The following NUP43 variants were observed in gnomAD, a reference collection of about 807,000 sequenced individuals.
NUP43 encodes the protein nucleoporin 43, also known as nucleoporin Nup43.
A neutral mutation model predicts 47.3 loss-of-function variants in NUP43; 32 were observed. That is an observed-to-expected ratio of 0.68 (90% confidence interval 0.51 to 0.91). The LOEUF is 0.91. Among genes scored for constraint, NUP43 ranks in the 40% least tolerant of loss-of-function variants. The pLI, the probability that NUP43 is intolerant of heterozygous loss-of-function variation, is 0.00. For missense variants in NUP43, 444 were observed against 453.9 expected (o/e 0.98, Z 0.20); for synonymous variants, 147 against 158.4 (o/e 0.93, Z 0.54).
rs1009524062 is a variant in NUP43 at position 149,724,434 on chromosome 6, T to C, written c.*2535A>G. The C allele has an allele frequency of 5.5e-5, 7 of 127,472 alleles. No homozygotes were observed. The allele number at this position is 127,472 out of a possible 1,614,324, so 7.9% of individuals were successfully genotyped here. The stretch of plus-strand genomic sequence containing the variant: ...TGGCTCATCTCACAGGCTCACATCA[T>C]CAGTGTGTTAACATACAATAGGACT... On this transcript the variant is annotated 3_prime_UTR_variant, in exon 8 of 8. Coordinates refer to ENST00000340413, the MANE Select transcript of NUP43 (RefSeq NM_198887.3).
intron 3 of NUP43, among the ~76,000 whole-genome samples, chr6:149,742,833 G>A (rs1785736566): frequency 6.6e-6 from 1 of 152,144 alleles, no homozygotes. Flanking sequence ...GCAGTTGGAT[G>A]TTCAAAGGCA....
intron 4 of NUP43, among the ~76,000 whole-genome samples, chr6:149,740,835 TG>T (rs1182078539): frequency 1.3e-5 from 2 of 152,222 alleles, no homozygotes; most frequent in African/African-American, 2.4e-5. Context: ...CTTTGCAATC[TG>T]GCCCCAGCTT....
intron 7 of NUP43, 50 bp downstream of exon 7, chr6:149,731,563 A>C: frequency 4.7e-6 from 1 of 212,320 alleles, no homozygotes; most frequent in Non-Finnish European, 6.7e-6. Flanking sequence ...ACTCTGTCTT[A>C]AAAAAAAAAA....
At chr6:149,732,001 G>C (rs1785070798) in intron 6 of NUP43, among the ~76,000 whole-genome samples, 1 of 152,032 alleles carries the variant, frequency 6.6e-6, no homozygotes, top group Non-Finnish European at 1.5e-5. Flanking sequence ...GGGCAACATG[G>C]TGAAACACCA....
chr6:149,737,188 G>A (rs1785410223), intron 5 of NUP43, among the ~76,000 whole-genome samples: 1 of 151,952 alleles, frequency 6.6e-6, no homozygotes, highest in Admixed American at 6.6e-5. Flanking sequence ...GGAGGCTGAG[G>A]CATGAGAATC....
At chr6:149,735,868 G>T (rs1371650288) in intron 6 of NUP43, among the ~76,000 whole-genome samples, 1 of 151,284 alleles carries the variant, frequency 6.6e-6, no homozygotes, top group Admixed American at 6.6e-5. Context: ...ATCTACTTGG[G>T]AGGCTGATGC....
At chr6:149,746,634 G>C (rs1278609264), upstream of NUP43, 1 of 1,590,314 alleles carries the variant, frequency 6.3e-7, no homozygotes, top group Non-Finnish European at 8.6e-7. Context: ...CTCGTCGATA[G>C]CCAGTGTGGG....
chr6:149,730,047 C>T (rs1298532762), intron 7 of NUP43, among the ~76,000 whole-genome samples: 1 of 149,416 alleles, frequency 6.7e-6, no homozygotes, highest in Non-Finnish European at 1.5e-5. Context: ...TTCGCTTTTG[C>T]TATCCAGGCT....
chr6:149,742,220 T>G (rs1785698168), intron 4 of NUP43, among the ~76,000 whole-genome samples, 170 bp downstream of exon 4: 1 of 152,130 alleles, frequency 6.6e-6, no homozygotes, highest in African/African-American at 2.4e-5. Flanking sequence ...GAGACGGTGT[T>G]TCTCCATGTT....
intron 4 of NUP43, among the ~76,000 whole-genome samples, chr6:149,740,522 G>A (rs1056308356): frequency 5.9e-5 from 9 of 151,960 alleles, no homozygotes; most frequent in Non-Finnish European, 1.0e-4. Context: ...CCAGCTCCTC[G>A]GGAGGCTGAG....
chr6:149,732,521 T>C (rs1785106829), intron 6 of NUP43, among the ~76,000 whole-genome samples: 1 of 146,598 alleles, frequency 6.8e-6, no homozygotes, highest in Non-Finnish European at 1.5e-5. Context: ...CACTCCAGTC[T>C]GGGCAACAAG....
In NUP43 at chr6:149,746,523, A is replaced by G; in HGVS notation, c.-28T>C. 1 of 1,614,136 alleles carries G rather than the reference A, an allele frequency of 6.2e-7. No individual in the cohort carries two copies. Among genetic ancestry groups the G allele is most frequent in the Non-Finnish European group, 8.5e-7 (1 of 1,179,996 alleles). Reference sequence around the variant, plus strand: ...CGAAAGCGGCCGCAGCAGGTACTGCAAAAAGCAAGCACAGTACGCGCCTCT... The same window carrying G: ...CGAAAGCGGCCGCAGCAGGTACTGCGAAAAGCAAGCACAGTACGCGCCTCT... On this transcript the variant is annotated 5_prime_UTR_variant, in exon 1 of 8. Coordinates refer to ENST00000340413, the MANE Select transcript of NUP43 (RefSeq NM_198887.3).
chr6:149,727,431 G>T, intron 7 of NUP43: 1 of 984,390 alleles, frequency 1.0e-6, no homozygotes, highest in Non-Finnish European at 1.2e-6. Flanking sequence ...GAAGTCTTCA[G>T]GAAAAGCAGG....
At chr6:149,729,394 G>A (rs117222778) in intron 7 of NUP43, 4,951 of 295,398 alleles carry the variant, frequency 0.017, 67 homozygotes, top group Admixed American at 0.021. Context: ...GATGGGCCTT[G>A]CCAATAGCAG....
chr6:149,741,947 C>T (rs1389899715), intron 4 of NUP43, among the ~76,000 whole-genome samples: 1 of 152,124 alleles, frequency 6.6e-6, no homozygotes, highest in African/African-American at 2.4e-5. Flanking sequence ...CAACCTCCAC[C>T]TCTCAGGTTC....
chr6:149,748,623 C>T (rs1786149116), upstream of NUP43, among the ~76,000 whole-genome samples: 1 of 151,890 alleles, frequency 6.6e-6, no homozygotes, highest in Non-Finnish European at 1.5e-5. Flanking sequence ...TCCTGGCTAA[C>T]ACGGTGAAAC....
intron 7 of NUP43, among the ~76,000 whole-genome samples, chr6:149,728,793 G>A (rs964163000): frequency 2.0e-5 from 3 of 152,100 alleles, no homozygotes; most frequent in Non-Finnish European, 4.4e-5. Flanking sequence ...AGCATTTGCT[G>A]TTTCCTCTGC....
chr6:149,727,243 T>C (rs759453321), intron 7 of NUP43, 45 bp from the exon 8 acceptor site: 1 of 1,572,686 alleles, frequency 6.4e-7, no homozygotes, highest in South Asian at 1.1e-5. Context: ...AGATGATTTT[T>C]ATATTAGTAA....
At position 149,742,424 on chromosome 6, in the gene NUP43, G is replaced by T. The variant is rs759065651; in HGVS notation, c.468C>A (p.Phe156Leu). 2 of 1,614,152 alleles carry T rather than the reference G, an allele frequency of 1.2e-6. No individual in the cohort carries two copies. Among genetic ancestry groups the T allele is most frequent in the Non-Finnish European group, 1.7e-6 (2 of 1,180,020 alleles). Residue 156 changes from phenylalanine (F) to leucine (L), a missense_variant, in exon 4 of 8, where the codon TTC becomes TTA. Physicochemically the swap from Phe to Leu is conservative, Grantham distance 22. Coordinates refer to ENST00000340413, the MANE Select transcript of NUP43 (RefSeq NM_198887.3). ...TVGEDGRINL[F>L]RADHKEAVRT... ...TTACAGCTTCCTTGTGATCAGCTCT[G>T]AAGAGATTTATTCGACCATCCTCTC...
Sources: allele counts gnomAD v4.1 joint callset (sites outside exome capture counted in the v4.1 genomes callset), GRCh38; gene constraint gnomAD v4.1.1; transcripts MANE v1.5; gene names NCBI Gene and HGNC (gene_info 2026-07-23, HGNC 2026-07-21).